Variants in CEP85 observed in about 807,000 individuals in gnomAD.
CEP85 encodes centrosomal protein of 85 kDa.
CEP85 carries 58 observed loss-of-function variants against 93.7 expected under a neutral mutation model. The ratio of observed to expected loss-of-function variants is 0.62; its 90% CI spans 0.50 to 0.77. The LOEUF (loss-of-function observed/expected upper bound fraction) is 0.77, where lower values mean the gene tolerates loss of function less well. Ranked by LOEUF, CEP85 falls within the 30% of genes least tolerant of loss-of-function variation. CEP85 has a pLI of 0.00. For synonymous variants in CEP85, 314 were observed against 338.6 expected, an observed-to-expected ratio of 0.93 and a Z score of 0.80; for missense variants, 868 against 922.0, an observed-to-expected ratio of 0.94 and a Z score of 0.76.
chr1:26,239,848 CAGA>C lies in CEP85; in HGVS notation c.55+13_55+15del, dbSNP rs1405328154. 1 of 1,606,866 alleles carries C rather than the reference CAGA, an allele frequency of 6.2e-7. No homozygotes were observed. Among genetic ancestry groups the C allele is most frequent in the South Asian group, 1.1e-5 (1 of 90,936 alleles). ...CACGTCACTTCACCGAGTGAGTAGT[CAGA>C]AGTTTTCTGGGTTAAATTCTGACCT... On this transcript the variant is annotated intron_variant, in intron 2 of 13. Transcript: ENST00000451429.
At chr1:26,251,706 T>C (rs898764124) in intron 3 of CEP85, among the ~76,000 whole-genome samples, 2 of 152,296 alleles carry the variant, frequency 1.3e-5, no homozygotes, top group Middle Eastern at 3.4e-3. Flanking sequence ...ACATGAACTT[T>C]TGGGGGACAG....
intron 11 of CEP85, among the ~76,000 whole-genome samples, chr1:26,273,745 A>C (rs1055373944): frequency 4.6e-5 from 7 of 151,982 alleles, no homozygotes; most frequent in Non-Finnish European, 1.0e-4. Context: ...GAATACAAAA[A>C]GATTAGCTGG....
rs748496649 is a variant in CEP85, at chr1:26,259,688, G to T, written c.1227G>T (p.Lys409Asn). The T allele has an allele frequency of 2.5e-6, 4 of 1,614,002 alleles. No homozygotes were observed. Among genetic ancestry groups the T allele is most frequent in the Non-Finnish European group, 3.4e-6 (4 of 1,179,992 alleles). ...AGACAGAAGCCTTGAGCAGAGAAAA[G>T]ATTGACCTTGAAAAGAAACTCTCTG... is the stretch of plus-strand genomic sequence containing the variant. ...AQKTEALSREKIDLEKKLSAS... is the reference protein window; with the variant it reads ...AQKTEALSRENIDLEKKLSAS... The change falls in exon 7 of 14, where the codon AAG (lysine) becomes AAT (asparagine). Residue 409 changes from lysine (K) to asparagine (N), a missense_variant. By Grantham distance (94) the Lys-to-Asn change is moderately conservative (BLOSUM62 0). Coordinates refer to ENST00000451429, the MANE Select transcript of CEP85 (RefSeq NM_001319944.2).
At chr1:26,269,365 G>T (rs1316078791) in intron 8 of CEP85, 95 bp from the exon 9 acceptor site, 5 of 1,262,308 alleles carry the variant, frequency 4.0e-6, no homozygotes, top group African/African-American at 3.0e-5. Flanking sequence ...TTAAATATAG[G>T]TTTGAGTGCT....
At chr1:26,239,983 A>T in intron 2 of CEP85, 145 bp downstream of exon 2, 2 of 659,494 alleles carry the variant, frequency 3.0e-6, no homozygotes, top group Non-Finnish European at 5.3e-6. Flanking sequence ...ATTGAATATA[A>T]AAACAGGTCT....
intron 2 of CEP85, 87 bp downstream of exon 2, chr1:26,239,925 A>G: frequency 1.0e-6 from 1 of 954,772 alleles, no homozygotes; most frequent in South Asian, 1.4e-5. Context: ...ACAAACAAGC[A>G]TTCACTGAAA....
chr1:26,239,711 G>A (rs1569955966), intron 1 of CEP85, 51 bp from the exon 2 acceptor site: 1 of 1,104,316 alleles, frequency 9.1e-7, no homozygotes, highest in African/African-American at 1.5e-5. Flanking sequence ...CTGAGTTGCG[G>A]GGAATTAAAG....
chr1:26,248,628 T>G (rs1310066931), intron 3 of CEP85, among the ~76,000 whole-genome samples: 1 of 151,472 alleles, frequency 6.6e-6, no homozygotes, highest in East Asian at 1.9e-4. Flanking sequence ...CCCGAGTAAC[T>G]GGGATTACAG....
chr1:26,270,073 G>A (rs1279950613), intron 9 of CEP85, among the ~76,000 whole-genome samples: 1 of 152,070 alleles, frequency 6.6e-6, no homozygotes, highest in Non-Finnish European at 1.5e-5. Flanking sequence ...ACCGCGCCCG[G>A]CCAGGAAGCG....
intron 13 of CEP85, among the ~76,000 whole-genome samples, 181 bp from the exon 14 acceptor site, chr1:26,276,955 T>C (rs961345311): frequency 1.3e-5 from 2 of 152,232 alleles, no homozygotes; most frequent in African/African-American, 4.8e-5. Flanking sequence ...ATGGGGTACT[T>C]GCATGCAGGA....
In CEP85 at chr1:26,255,241, T is replaced by C; in HGVS notation, c.279T>C (p.His93=). 1 of 1,614,150 alleles carries C rather than the reference T, an allele frequency of 6.2e-7. No individual in the cohort carries two copies. Among genetic ancestry groups the C allele is most frequent in the Non-Finnish European group, 8.5e-7 (1 of 1,180,016 alleles). ...GCCACGTAACCATTCCAACAGCCCA[T>C]GTGATGCCTTCTACTTTAGGGACCT... ...IKSHVTIPTA[H]VMPSTLGTSP... is the part of the protein sequence containing the mutation. The change falls in exon 4 of 14, where the codon CAT becomes CAC. Residue 93 remains histidine (H), a synonymous_variant. Coordinates refer to ENST00000451429, the MANE Select transcript of CEP85 (RefSeq NM_001319944.2).
chr1:26,234,390 C>A (rs1002850624), intron 1 of CEP85, 80 bp downstream of exon 1: 1 of 152,298 alleles, frequency 6.6e-6, no homozygotes, highest in Non-Finnish European at 1.5e-5. Flanking sequence ...AAGCCTCAGA[C>A]GCTCGCGACC....
At chr1:26,276,996 T>G in intron 13 of CEP85, 140 bp from the exon 14 acceptor site, 1 of 969,318 alleles carries the variant, frequency 1.0e-6, no homozygotes. Context: ...AGCAGCAAAT[T>G]AACCCACTGT....
Position 26,277,406 on chromosome 1 carries a change from G to A in CEP85, c.*113G>A, listed in dbSNP as rs2090069563. 10 of 1,059,200 alleles carry A rather than the reference G, an allele frequency of 9.4e-6. No individual in the cohort carries two copies. The highest frequency in any genetic ancestry group is 1.4e-5 in the Non-Finnish European group (10 of 729,414). 65.6% of individuals were successfully genotyped at this position (1,059,200 alleles called of 1,614,324 possible). ...ATTCCCAGAGAGGTCTCAGAGGGGAGGGGAGAGCCTGCATCTGGGGGCCAA... is the reference window on the plus strand; with the variant it reads ...ATTCCCAGAGAGGTCTCAGAGGGGAAGGGAGAGCCTGCATCTGGGGGCCAA... On this transcript the variant is annotated 3_prime_UTR_variant, in exon 14 of 14. Transcript: ENST00000451429.
intron 1 of CEP85, among the ~76,000 whole-genome samples, chr1:26,237,271 G>A (rs918423532): frequency 6.6e-6 from 1 of 151,742 alleles, no homozygotes; most frequent in Non-Finnish European, 1.5e-5. Flanking sequence ...TTAATATATT[G>A]GCAAGGTTGT....
At chr1:26,265,008 A>G (rs1406064158) in intron 7 of CEP85, among the ~76,000 whole-genome samples, 12 of 108,324 alleles carry the variant, frequency 1.1e-4, no homozygotes, top group Admixed American at 1.0e-3. Context: ...TTTTTTAGAT[A>G]GAGTCTCGCT....
intron 11 of CEP85, among the ~76,000 whole-genome samples, chr1:26,273,974 A>G (rs1156442097): frequency 6.6e-6 from 1 of 150,726 alleles, no homozygotes; most frequent in Non-Finnish European, 1.5e-5. Context: ...AGATGGATTC[A>G]TCATAGTCAC....
intron 8 of CEP85, among the ~76,000 whole-genome samples, chr1:26,269,109 C>T (rs575657896): frequency 1.3e-5 from 2 of 152,250 alleles, no homozygotes; most frequent in South Asian, 4.1e-4. Context: ...CCTAACTGTC[C>T]TTCCCACCAA....
chr1:26,246,415 T>A lies in CEP85; in HGVS notation c.208+2097T>A, dbSNP rs552748279. On this transcript the variant is annotated intron_variant, in intron 3 of 13. Transcript: ENST00000451429. The stretch of plus-strand genomic sequence containing the variant: ...AATATTATTCAGCAATAAAAAGAAA[T>A]GAAATACTGGTACATGCTACCTTAA... 9.5e-4 allele frequency among the ~76,000 whole-genome samples: 144 copies of A among 152,134 alleles called. 1 individual carries two copies. Among genetic ancestry groups the A allele is most frequent in the Admixed American group, 3.4e-3 (52 of 15,258 alleles).
Sources: allele counts gnomAD v4.1 joint callset (sites outside exome capture counted in the v4.1 genomes callset), GRCh38; gene constraint gnomAD v4.1.1; transcripts MANE v1.5; gene names NCBI Gene and HGNC (gene_info 2026-07-23, HGNC 2026-07-21).